Variants in CREB5 observed in about 807,000 individuals in gnomAD.
The protein encoded by CREB5 is cyclic AMP-responsive element-binding protein 5.
CREB5 carries 19 observed loss-of-function variants against 57.1 expected under a neutral mutation model. The ratio of observed to expected loss-of-function variants is 0.33; its 90% confidence interval spans 0.23 to 0.49. The LOEUF (loss-of-function observed/expected upper bound fraction) is 0.49, where lower values mean the gene tolerates loss of function less well. Ranked by LOEUF, CREB5 falls within the 20% of genes least tolerant of loss-of-function variation. The pLI, the probability that CREB5 is intolerant of heterozygous loss-of-function variation, is 0.99. For synonymous variants in CREB5, 238 were observed against 238.3 expected, an observed-to-expected ratio of 1.00 and a Z score of 0.01; for missense variants, 579 against 671.6, an observed-to-expected ratio of 0.86 and a Z score of 1.52.
rs1809756432 is a variant in CREB5 at position 28,821,293 on chromosome 7, C to T, written c.*2014C>T. 6.6e-6 allele frequency: 1 copy of T among 151,904 alleles called. No homozygotes were observed. Among genetic ancestry groups the T allele is most frequent in the Non-Finnish European group, 1.5e-5 (1 of 67,960 alleles). 9.4% of individuals were successfully genotyped at this position (151,904 alleles called of 1,614,324 possible). A position where few individuals can be genotyped will look rare whatever the true frequency, so the allele number is the denominator to read the frequency against. On this transcript the variant is annotated 3_prime_UTR_variant, in exon 11 of 11. Transcript: ENST00000357727. ...GGAGAAAAAAAGAAAATATGAGGGT[C>T]TCGAAGCATGATTTTTATATAACTA...
intron 1 of CREB5, among the ~76,000 whole-genome samples, chr7:28,383,621 C>T (rs948036405): frequency 2.0e-5 from 3 of 152,126 alleles, no homozygotes; most frequent in Non-Finnish European, 4.4e-5. Context: ...CACTTTTAAA[C>T]AACAAGATCT....
intron 5 of CREB5, among the ~76,000 whole-genome samples, chr7:28,710,351 GAC>G (rs1372764582): frequency 6.6e-6 from 1 of 152,000 alleles, no homozygotes; most frequent in African/African-American, 2.4e-5. Context: ...ATTAATAAAA[GAC>G]ATATTTATTA....
chr7:28,459,524 C>T (rs978739951), intron 1 of CREB5, among the ~76,000 whole-genome samples: 21 of 152,160 alleles, frequency 1.4e-4, no homozygotes, highest in African/African-American at 4.8e-4. Context: ...GGAATCTTGC[C>T]ATTATGAGTT....
At chr7:28,715,674 A>C (rs1010652735) in intron 5 of CREB5, among the ~76,000 whole-genome samples, 1 of 152,150 alleles carries the variant, frequency 6.6e-6, no homozygotes, top group Non-Finnish European at 1.5e-5. Flanking sequence ...CAGTTTTTGT[A>C]GTTTTAAAAA....
intron 1 of CREB5, among the ~76,000 whole-genome samples, chr7:28,461,216 T>C (rs61469009): frequency 0.085 from 11,932 of 140,998 alleles, 884 homozygotes; most frequent in East Asian, 0.44. Context: ...GGCAACAGAG[T>C]GAGACTCTGC....
intron 4 of CREB5, among the ~76,000 whole-genome samples, chr7:28,528,024 G>A (rs1225989828): frequency 6.6e-6 from 1 of 152,148 alleles, no homozygotes; most frequent in Non-Finnish European, 1.5e-5. Context: ...TGAGGTTTGG[G>A]CACAATTACA....
At chr7:28,801,361 CCATCATGTCATTT>C (rs1202071765) in intron 7 of CREB5, among the ~76,000 whole-genome samples, 5 of 152,128 alleles carry the variant, frequency 3.3e-5, no homozygotes, top group Admixed American at 3.3e-4. Context: ...TCCATACTTT[CCATCATGTCATTT>C]TTTTAAAAAG....
chr7:28,604,015 C>T (rs1797024030), intron 5 of CREB5, among the ~76,000 whole-genome samples: 1 of 152,112 alleles, frequency 6.6e-6, no homozygotes, highest in Non-Finnish European at 1.5e-5. Context: ...CCATCCTCCG[C>T]ATCTGTGTGA....
chr7:28,302,033 T>C (rs1484798708), intron 1 of CREB5, among the ~76,000 whole-genome samples: 2 of 152,192 alleles, frequency 1.3e-5, no homozygotes, highest in East Asian at 3.8e-4. Context: ...GAAATTGAAA[T>C]TCGTTAAAAT....
At chr7:28,739,144 C>T (rs940434875) in intron 7 of CREB5, among the ~76,000 whole-genome samples, 1 of 152,228 alleles carries the variant, frequency 6.6e-6, no homozygotes, top group Non-Finnish European at 1.5e-5. Flanking sequence ...CAAGACTTCT[C>T]AGAAGAGTCA....
intron 5 of CREB5, among the ~76,000 whole-genome samples, chr7:28,600,013 C>T (rs1796853428): frequency 6.6e-6 from 1 of 152,064 alleles, no homozygotes; most frequent in African/African-American, 2.4e-5. Flanking sequence ...GGGTGAAGAA[C>T]TCTGGGTGTA....
At chr7:28,556,437 G>A (rs534601618) in intron 4 of CREB5, among the ~76,000 whole-genome samples, 58 of 152,196 alleles carry the variant, frequency 3.8e-4, no homozygotes, top group African/African-American at 1.2e-3. Context: ...GGATGGGTGC[G>A]TCTTAGCTCT....
intron 9 of CREB5, among the ~76,000 whole-genome samples, chr7:28,814,183 T>TA (rs1809288348): frequency 6.6e-6 from 1 of 152,236 alleles, no homozygotes; most frequent in South Asian, 2.1e-4. Flanking sequence ...TGATTCCACT[T>TA]ACGTTCCCTT....
chr7:28,650,083 A>G (rs941649465), intron 5 of CREB5, among the ~76,000 whole-genome samples: 2 of 152,218 alleles, frequency 1.3e-5, no homozygotes, highest in African/African-American at 4.8e-5. Flanking sequence ...AATTGTGTAC[A>G]CACCAATAGT....
chr7:28,565,063 A>G (rs995622252), intron 4 of CREB5, among the ~76,000 whole-genome samples: 5 of 152,228 alleles, frequency 3.3e-5, no homozygotes, highest in African/African-American at 1.2e-4. Context: ...AAGGAAGGGT[A>G]GACAAACTGG....
At chr7:28,355,287 G>A (rs1321982950) in intron 1 of CREB5, among the ~76,000 whole-genome samples, 2 of 152,166 alleles carry the variant, frequency 1.3e-5, no homozygotes, top group East Asian at 3.9e-4. Flanking sequence ...GACAGAGGAG[G>A]TCTGGTGGAT....
intron 5 of CREB5, among the ~76,000 whole-genome samples, chr7:28,716,497 G>C (rs59593242): frequency 0.14 from 20,684 of 152,136 alleles, 1,523 homozygotes; most frequent in Non-Finnish European, 0.15. Flanking sequence ...TATTGAGATG[G>C]ATATATAGAC....
chr7:28,543,069 TCATA>T (rs1398429557), intron 4 of CREB5, among the ~76,000 whole-genome samples: 2 of 152,214 alleles, frequency 1.3e-5, no homozygotes, highest in Non-Finnish European at 2.9e-5. Context: ...AGAGTGTTTT[TCATA>T]CATGATCCTA....
chr7:28,783,588 C>G (rs962316013), intron 7 of CREB5, among the ~76,000 whole-genome samples: 2 of 152,144 alleles, frequency 1.3e-5, no homozygotes, highest in Non-Finnish European at 2.9e-5. Context: ...CAGACTTTCC[C>G]TCCTTTTCTT....
Sources: gnomAD v4.1 joint callset for allele counts (sites outside exome capture counted in the v4.1 genomes callset) on GRCh38, gnomAD v4.1.1 for gene constraint, MANE v1.5 for transcripts, NCBI Gene and HGNC (gene_info 2026-07-23, HGNC 2026-07-21) for gene names.